GRIA4: variants seen among roughly 807,000 people sequenced by gnomAD.
GRIA4 encodes the protein glutamate receptor 4.
A neutral mutation model predicts 104.0 loss-of-function variants in GRIA4; 34 were observed. That is an observed-to-expected ratio of 0.33 (90% CI 0.25 to 0.44). The LOEUF (loss-of-function observed/expected upper bound fraction) is 0.44, where lower values mean the gene tolerates loss of function less well. Among genes scored for constraint, GRIA4 ranks in the 20% least tolerant of loss-of-function variants. The probability of loss-of-function intolerance (pLI) is 1.00; values close to 1 mark genes in which losing one functional copy is unlikely to be tolerated. For missense variants in GRIA4, 750 were observed against 1,096.5 expected (o/e 0.68, Z 4.46); for synonymous variants, 386 against 381.9 (o/e 1.01, Z -0.13).
intron 3 of GRIA4, among the ~76,000 whole-genome samples, chr11:105,723,869 T>C (rs1435118810): frequency 6.6e-6 from 1 of 152,124 alleles, no homozygotes; most frequent in East Asian, 1.9e-4. Flanking sequence ...TAATGGACAT[T>C]TTTCAAAAGA....
chr11:105,978,269 C>A (rs1356890652), intron 16 of GRIA4, among the ~76,000 whole-genome samples: 1 of 151,976 alleles, frequency 6.6e-6, no homozygotes, highest in Non-Finnish European at 1.5e-5. Flanking sequence ...AGAAGATAAT[C>A]AAGTAGAAGT....
chr11:105,912,089 GAAGA>G (rs1294695054), intron 10 of GRIA4: 48 of 1,115,670 alleles, frequency 4.3e-5, no homozygotes, highest in Non-Finnish European at 5.1e-5. Context: ...TAGAACAAAA[GAAGA>G]ATTAATCTTC....
At chr11:105,900,953 A>T (rs549360897) in intron 7 of GRIA4, among the ~76,000 whole-genome samples, 55 of 149,720 alleles carry the variant, frequency 3.7e-4, no homozygotes, top group Non-Finnish European at 5.4e-4. Context: ...AAGAACTAAA[A>T]ATATATATAT....
intron 3 of GRIA4, among the ~76,000 whole-genome samples, chr11:105,739,923 G>C (rs1188977914): frequency 6.6e-6 from 1 of 152,126 alleles, no homozygotes; most frequent in Admixed American, 6.6e-5. Context: ...CAAATATTCA[G>C]GACAGTCCAA....
chr11:105,738,864 A>T (rs1281465967), intron 3 of GRIA4, among the ~76,000 whole-genome samples: 1 of 151,478 alleles, frequency 6.6e-6, no homozygotes, highest in African/African-American at 2.4e-5. Context: ...TAAACAGTAA[A>T]TCACTGGGTG....
At chr11:105,618,777 G>A (rs2135264156) in intron 3 of GRIA4, among the ~76,000 whole-genome samples, 1 of 152,014 alleles carries the variant, frequency 6.6e-6, no homozygotes, top group South Asian at 2.1e-4. Context: ...ATCACCCAGA[G>A]AGAGCAGAAG....
At chr11:105,724,167 A>G (rs1164998635) in intron 3 of GRIA4, among the ~76,000 whole-genome samples, 3 of 152,116 alleles carry the variant, frequency 2.0e-5, no homozygotes, top group African/African-American at 7.2e-5. Context: ...CTGGATATTT[A>G]CCCAATAAAC....
chr11:105,774,306 AC>A (rs1182062931), intron 4 of GRIA4, among the ~76,000 whole-genome samples: 5 of 151,850 alleles, frequency 3.3e-5, no homozygotes, highest in African/African-American at 1.2e-4. Context: ...ATAATGAATC[AC>A]AGCCATACTG....
rs181090935 is a variant in GRIA4 at position 105,726,375 on chromosome 11, A to C, written c.248-26606A>C. On this transcript the variant is annotated intron_variant, in intron 3 of 16. Coordinates refer to ENST00000282499, the MANE Select transcript of GRIA4 (RefSeq NM_000829.4). Reference sequence around the variant, plus strand: ...TCTCTGGGCAAGGCATCTCTGAAAGAAAGGCAGAAGCCCCAGTCAGGAGCT... The same window carrying C: ...TCTCTGGGCAAGGCATCTCTGAAAGCAAGGCAGAAGCCCCAGTCAGGAGCT... 3.9e-3 allele frequency among the ~76,000 whole-genome samples: 589 copies of C among 152,260 alleles called. 4 individuals carry two copies. Among genetic ancestry groups the C allele is most frequent in the African/African-American group, 0.013 (532 of 41,566 alleles).
chr11:105,878,215 C>T (rs1179053876), intron 5 of GRIA4, among the ~76,000 whole-genome samples: 1 of 152,178 alleles, frequency 6.6e-6, no homozygotes, highest in African/African-American at 2.4e-5. Context: ...TCACTCCAGA[C>T]CCTGTTTGCC....
chr11:105,976,839 T>C (rs1859006770), intron 16 of GRIA4, among the ~76,000 whole-genome samples: 1 of 151,950 alleles, frequency 6.6e-6, no homozygotes, highest in South Asian at 2.1e-4. Context: ...AAGGTTCACA[T>C]CAAGATGAAT....
intron 4 of GRIA4, among the ~76,000 whole-genome samples, chr11:105,820,460 T>C (rs1943536480): frequency 6.6e-6 from 1 of 152,036 alleles, no homozygotes; most frequent in South Asian, 2.1e-4. Context: ...AAAATATATA[T>C]TTATTTGTCG....
rs72981067 is a variant in GRIA4 at position 105,695,580 on chromosome 11, G to A, written c.248-57401G>A. Among the ~76,000 whole-genome samples the A allele has an allele frequency of 8.1e-3, 1,234 of 151,998 alleles. 6 individuals carry two copies. Among genetic ancestry groups the A allele is most frequent in the Admixed American group, 0.013 (204 of 15,238 alleles). ...ATTAGTCTTACTGTGATTCGAAAAG[G>A]GTAGCCTTTCCTAAACAATTCCAGT... On this transcript the variant is annotated intron_variant, in intron 3 of 16. Transcript: ENST00000282499.
chr11:105,817,312 T>G (rs978887284), intron 4 of GRIA4, among the ~76,000 whole-genome samples: 1 of 149,032 alleles, frequency 6.7e-6, no homozygotes, highest in African/African-American at 2.5e-5. Context: ...GAAAGGGGAA[T>G]TAAGAATTTT....
chr11:105,963,959 A>G (rs561941827), intron 14 of GRIA4, among the ~76,000 whole-genome samples: 34 of 152,322 alleles, frequency 2.2e-4, no homozygotes, highest in African/African-American at 7.5e-4. Context: ...CTTCATATGA[A>G]TGTTTAAGGC....
intron 4 of GRIA4, among the ~76,000 whole-genome samples, chr11:105,813,093 C>CAAAAA (rs58984237): frequency 2.5e-5 from 2 of 80,350 alleles, no homozygotes; most frequent in African/African-American, 1.1e-4. Context: ...GACTCCATCT[C>CAAAAA]AAAAAAAAAA....
intron 3 of GRIA4, among the ~76,000 whole-genome samples, chr11:105,622,748 T>C (rs770579267): frequency 4.6e-5 from 7 of 151,840 alleles, no homozygotes; most frequent in Non-Finnish European, 1.0e-4. Flanking sequence ...ATAGATTGTG[T>C]AGTGATGAAG....
intron 4 of GRIA4, among the ~76,000 whole-genome samples, chr11:105,849,120 A>T (rs1944704250): frequency 6.6e-6 from 1 of 152,164 alleles, no homozygotes; most frequent in South Asian, 2.1e-4. Context: ...TGAACCTGGG[A>T]GTCGGAGGTT....
intron 3 of GRIA4, among the ~76,000 whole-genome samples, chr11:105,687,195 T>C (rs1161091714): frequency 6.6e-6 from 1 of 152,158 alleles, no homozygotes; most frequent in Non-Finnish European, 1.5e-5. Context: ...TGAGAAACCA[T>C]GTGAGAAGTC....
Sources: gnomAD v4.1 joint callset for allele counts (sites outside exome capture counted in the v4.1 genomes callset) on GRCh38, gnomAD v4.1.1 for gene constraint, MANE v1.5 for transcripts, NCBI Gene and HGNC (gene_info 2026-07-23, HGNC 2026-07-21) for gene names.